The following AOPEP variants were observed in gnomAD, a reference collection of about 807,000 sequenced individuals.
AOPEP encodes aminopeptidase O (putative).
A neutral mutation model predicts 98.1 loss-of-function variants in AOPEP; 77 were observed. That is an observed-to-expected ratio of 0.78 (90% CI 0.65 to 0.95). The LOEUF (loss-of-function observed/expected upper bound fraction) is 0.95, where lower values mean the gene tolerates loss of function less well. AOPEP is among the 40% of genes least tolerant of loss of function. AOPEP has a pLI of 0.00. For synonymous variants in AOPEP, 346 were observed against 365.3 expected (o/e 0.95, Z 0.60); for missense variants, 1,024 against 1,024.7 (o/e 1.00, Z 0.01).
chr9:94,745,492 G>C (rs999199866), intron 1 of AOPEP, among the ~76,000 whole-genome samples: 1 of 151,890 alleles, frequency 6.6e-6, no homozygotes, highest in African/African-American at 2.4e-5. Context: ...AGCCAGGTTG[G>C]TCTCGATCTC....
chr9:94,959,279 G>A (rs1049939213), intron 9 of AOPEP, among the ~76,000 whole-genome samples: 10 of 152,070 alleles, frequency 6.6e-5, no homozygotes, highest in African/African-American at 2.4e-4. Context: ...TCCTGATCTC[G>A]TGATCCACCC....
At chr9:94,956,949 G>T (rs547650533) in intron 9 of AOPEP, among the ~76,000 whole-genome samples, 1 of 152,092 alleles carries the variant, frequency 6.6e-6, no homozygotes, top group Non-Finnish European at 1.5e-5. Flanking sequence ...TTTTATTTTT[G>T]TACTGGGTGT....
At chr9:95,033,389 T>G (rs1292744426) in intron 13 of AOPEP, among the ~76,000 whole-genome samples, 1 of 152,114 alleles carries the variant, frequency 6.6e-6, no homozygotes, top group East Asian at 1.9e-4. Context: ...CTCATTCAGT[T>G]TCCCTCTCCT....
intron 13 of AOPEP, among the ~76,000 whole-genome samples, chr9:95,035,250 A>G (rs1207750362): frequency 6.6e-6 from 1 of 151,762 alleles, no homozygotes; most frequent in Non-Finnish European, 1.5e-5. Flanking sequence ...CCCTACATTG[A>G]TGACATACCA....
At chr9:95,024,820 A>G (rs1013248195) in intron 13 of AOPEP, among the ~76,000 whole-genome samples, 4 of 152,206 alleles carry the variant, frequency 2.6e-5, no homozygotes, top group African/African-American at 9.6e-5. Context: ...TTAGATTTTC[A>G]TCCTATCGAC....
chr9:95,025,413 GC>G (rs1488177439), intron 13 of AOPEP, among the ~76,000 whole-genome samples: 1 of 152,202 alleles, frequency 6.6e-6, no homozygotes, highest in Non-Finnish European at 1.5e-5. Context: ...GCTGGATACG[GC>G]TCAGTGCCTT....
At chr9:95,100,423 C>G in the AOPEP span, 1 of 231,066 alleles carries the variant, frequency 4.3e-6, no homozygotes, top group African/African-American at 2.2e-5. Context: ...AGGTTAACTT[C>G]TAATCCAGCA....
chr9:94,995,053 C>A (rs544064922), intron 11 of AOPEP, among the ~76,000 whole-genome samples: 2 of 152,252 alleles, frequency 1.3e-5, no homozygotes, highest in Non-Finnish European at 2.9e-5. Context: ...GGAATTATCT[C>A]CTTTATAATA....
At chr9:94,770,116 AC>A (rs1840531951) in intron 2 of AOPEP, among the ~76,000 whole-genome samples, 3 of 152,192 alleles carry the variant, frequency 2.0e-5, no homozygotes, top group Admixed American at 1.3e-4. Flanking sequence ...GATTAGGAAA[AC>A]ATCCTTTCTG....
chr9:95,081,518 T>C (rs1391362743), intron 15 of AOPEP, among the ~76,000 whole-genome samples: 1 of 152,222 alleles, frequency 6.6e-6, no homozygotes, highest in Non-Finnish European at 1.5e-5. Flanking sequence ...AAAAGGACTT[T>C]TGATAGGGTC....
intron 2 of AOPEP, among the ~76,000 whole-genome samples, chr9:94,761,516 A>G (rs1202285843): frequency 2.0e-5 from 3 of 152,174 alleles, no homozygotes; most frequent in African/African-American, 4.8e-5. Context: ...CTTCTTTTAT[A>G]GCGTTGTATT....
At chr9:95,050,875 G>A (rs4743984) in intron 13 of AOPEP, among the ~76,000 whole-genome samples, 114,729 of 152,090 alleles carry the variant, frequency 0.75, 45,918 homozygotes, top group Non-Finnish European at 0.89. Context: ...TAGTGTTTCC[G>A]ACTCCAGAAT....
intron 3 of AOPEP, among the ~76,000 whole-genome samples, chr9:94,780,496 A>G (rs1302825007): frequency 6.6e-6 from 1 of 152,226 alleles, no homozygotes. Flanking sequence ...GAATTAAGCT[A>G]GACAAGATAA....
intron 5 of AOPEP, among the ~76,000 whole-genome samples, chr9:94,877,136 G>A (rs1250061422): frequency 1.3e-5 from 2 of 152,124 alleles, no homozygotes; most frequent in Non-Finnish European, 2.9e-5. Context: ...ATGGGAATTT[G>A]TAGGGGAAGC....
At chr9:95,075,166 T>A (rs1462004635) in intron 14 of AOPEP, among the ~76,000 whole-genome samples, 3 of 152,240 alleles carry the variant, frequency 2.0e-5, no homozygotes, top group Non-Finnish European at 4.4e-5. Flanking sequence ...AAATACATGC[T>A]GACTCTAGGC....
chr9:94,766,606 ATAGT>A (rs1302349197), intron 2 of AOPEP, among the ~76,000 whole-genome samples: 1 of 152,228 alleles, frequency 6.6e-6, no homozygotes, highest in Non-Finnish European at 1.5e-5. Flanking sequence ...AATCATTATA[ATAGT>A]TGTGGAAGCA....
chr9:94,751,595 T>C (rs1025469097), intron 1 of AOPEP, among the ~76,000 whole-genome samples: 2 of 152,190 alleles, frequency 1.3e-5, no homozygotes, highest in Non-Finnish European at 2.9e-5. Flanking sequence ...ATAATCCAGC[T>C]TTCTATGTAT....
chr9:95,044,845 TGGG>T (rs1196197377), intron 13 of AOPEP, among the ~76,000 whole-genome samples: 1 of 151,696 alleles, frequency 6.6e-6, no homozygotes, highest in East Asian at 1.9e-4. Context: ...GCGCTGGCAG[TGGG>T]GGAAGGGGGA....
intron 5 of AOPEP, among the ~76,000 whole-genome samples, chr9:94,844,642 CT>C (rs967140805): frequency 1.1e-4 from 17 of 152,344 alleles, no homozygotes; most frequent in South Asian, 1.0e-3. Context: ...CTTTCCTGTC[CT>C]TCCTCCCCAT....
Sources: gnomAD v4.1 joint callset for allele counts (sites outside exome capture counted in the v4.1 genomes callset) on GRCh38, gnomAD v4.1.1 for gene constraint, MANE v1.5 for transcripts, NCBI Gene and HGNC (gene_info 2026-07-23, HGNC 2026-07-21) for gene names.